CENPP: variants seen among roughly 807,000 people sequenced by gnomAD.
The protein encoded by CENPP is centromere protein P.
CENPP carries 24 observed loss-of-function variants against 35.6 expected under a neutral mutation model. The ratio of observed to expected loss-of-function variants is 0.67; its 90% confidence interval spans 0.49 to 0.95. CENPP has a LOEUF of 0.95. CENPP is among the 40% of genes least tolerant of loss of function. The probability of loss-of-function intolerance (pLI) is 0.00; values close to 1 mark genes in which losing one functional copy is unlikely to be tolerated. For missense variants in CENPP, 332 were observed against 345.3 expected, an observed-to-expected ratio of 0.96 and a Z score of 0.31; for synonymous variants, 120 against 125.5, an observed-to-expected ratio of 0.96 and a Z score of 0.29.
chr9:92,585,852 C>T (rs578044642), intron 5 of CENPP, among the ~76,000 whole-genome samples: 4 of 152,250 alleles, frequency 2.6e-5, no homozygotes, highest in Middle Eastern at 3.4e-3. Flanking sequence ...GCGGCTGTGA[C>T]GATAGCAGCC....
chr9:92,418,894 A>G (rs1386838873), intron 5 of CENPP, among the ~76,000 whole-genome samples: 2 of 152,120 alleles, frequency 1.3e-5, no homozygotes, highest in African/African-American at 4.8e-5. Flanking sequence ...AAAGACATAC[A>G]GTGTTTACAT....
chr9:92,396,880 A>G (rs1490110264), intron 5 of CENPP, among the ~76,000 whole-genome samples: 2 of 152,150 alleles, frequency 1.3e-5, no homozygotes, highest in Non-Finnish European at 2.9e-5. Flanking sequence ...GGATTTAAAA[A>G]CATTTTGTCA....
chr9:92,598,908 G>C (rs1240569051), intron 5 of CENPP, among the ~76,000 whole-genome samples: 1 of 151,974 alleles, frequency 6.6e-6, no homozygotes, highest in Non-Finnish European at 1.5e-5. Context: ...AGGAGTTCGA[G>C]ATCAGCCTGG....
chr9:92,464,922 TAGGAACTG>T (rs1201323559), intron 5 of CENPP: 2 of 1,597,692 alleles, frequency 1.3e-6, no homozygotes, highest in East Asian at 4.5e-5. Context: ...TACAAACCTT[TAGGAACTG>T]AGGTCAGTTT....
At chr9:92,553,991 G>T (rs192541383) in intron 5 of CENPP, among the ~76,000 whole-genome samples, 2 of 152,258 alleles carry the variant, frequency 1.3e-5, no homozygotes, top group African/African-American at 4.8e-5. Flanking sequence ...TCTCATTCCA[G>T]TTCTCAGAAT....
chr9:92,407,901 C>A (rs1013345491), intron 5 of CENPP, among the ~76,000 whole-genome samples: 1 of 152,138 alleles, frequency 6.6e-6, no homozygotes, highest in African/African-American at 2.4e-5. Context: ...ATTGTATTAT[C>A]TTTGGTGCCT....
intron 5 of CENPP, among the ~76,000 whole-genome samples, chr9:92,553,223 G>C (rs1366020383): frequency 6.6e-6 from 1 of 152,094 alleles, no homozygotes; most frequent in Non-Finnish European, 1.5e-5. Flanking sequence ...TTGGCTGTAA[G>C]TATTTGGGTT....
intron 1 of CENPP, among the ~76,000 whole-genome samples, chr9:92,330,346 T>C (rs778421217): frequency 4.6e-5 from 7 of 152,212 alleles, no homozygotes; most frequent in Non-Finnish European, 1.0e-4. Flanking sequence ...TGGTTAGAGG[T>C]ATATTTTAAG....
chr9:92,386,889 A>G (rs1842445045), intron 5 of CENPP, among the ~76,000 whole-genome samples: 1 of 151,602 alleles, frequency 6.6e-6, no homozygotes, highest in South Asian at 2.1e-4. Context: ...GCCTAAAAAA[A>G]TACAAAAAAT....
intron 5 of CENPP, chr9:92,495,535 T>G: frequency 1.0e-6 from 1 of 982,158 alleles, no homozygotes; most frequent in Non-Finnish European, 1.2e-6. Context: ...TTAAGCAAAC[T>G]CTACTGCTTT....
chr9:92,410,765 G>A (rs936550339), intron 5 of CENPP, among the ~76,000 whole-genome samples: 1 of 152,152 alleles, frequency 6.6e-6, no homozygotes, highest in African/African-American at 2.4e-5. Flanking sequence ...GCTACAGTGA[G>A]CCTTACTGTT....
intron 5 of CENPP, chr9:92,600,187 T>C: frequency 1.1e-6 from 1 of 918,078 alleles, no homozygotes; most frequent in East Asian, 3.4e-5. Context: ...TTGGAGTTCT[T>C]TTCAACCATG....
At chr9:92,540,749 C>T (rs559559921) in intron 5 of CENPP, among the ~76,000 whole-genome samples, 27 of 147,234 alleles carry the variant, frequency 1.8e-4, no homozygotes, top group Admixed American at 4.7e-4. Context: ...CTAGCCTGGG[C>T]AACAGAGCAC....
chr9:92,483,163 C>T (rs1214751777), intron 5 of CENPP, among the ~76,000 whole-genome samples: 1 of 152,112 alleles, frequency 6.6e-6, no homozygotes, highest in African/African-American at 2.4e-5. Flanking sequence ...ATTTGTACCC[C>T]CTTTCCACTC....
chr9:92,500,626 T>A (rs1052710429), intron 5 of CENPP: 7 of 1,235,942 alleles, frequency 5.7e-6, no homozygotes, highest in Non-Finnish European at 7.9e-6. Context: ...GCACCATTTT[T>A]TTTTCCCTTA....
In CENPP at chr9:92,343,826, G is replaced by A. The variant is rs540897645; in HGVS notation, c.379-1873G>A. 7.9e-5 allele frequency among the ~76,000 whole-genome samples: 12 copies of A among 152,000 alleles called. No individual in the cohort carries two copies. The South Asian group carries it at 2.5e-3, about 32-fold the overall frequency. On this transcript the variant is annotated intron_variant, in intron 3 of 7. Coordinates refer to ENST00000375587, the MANE Select transcript of CENPP (RefSeq NM_001012267.3). ...AATAAAAAAGAAATTAGCCAGGCTT[G>A]GTTACTTACATATATAGTCCTAGCC...
chr9:92,380,428 A>C (rs1329198446), intron 5 of CENPP, among the ~76,000 whole-genome samples: 1 of 152,190 alleles, frequency 6.6e-6, no homozygotes, highest in African/African-American at 2.4e-5. Context: ...CAAATTATTG[A>C]CAGCATTAAT....
At chr9:92,495,750 T>G (rs1217678540) in intron 5 of CENPP, 1 of 933,094 alleles carries the variant, frequency 1.1e-6, no homozygotes, top group African/African-American at 1.8e-5. Flanking sequence ...ATTACAGTAG[T>G]GTTTTAATTT....
chr9:92,354,299 A>T (rs1841535727), intron 4 of CENPP, among the ~76,000 whole-genome samples: 1 of 152,114 alleles, frequency 6.6e-6, no homozygotes, highest in Non-Finnish European at 1.5e-5. Flanking sequence ...CTAGCTGATC[A>T]CCCCAAGAAA....
Sources: gnomAD v4.1 joint callset for allele counts (sites outside exome capture counted in the v4.1 genomes callset) on GRCh38, gnomAD v4.1.1 for gene constraint, MANE v1.5 for transcripts, NCBI Gene and HGNC (gene_info 2026-07-23, HGNC 2026-07-21) for gene names.